SBNO2: variants seen among roughly 807,000 people sequenced by gnomAD.
SBNO2 encodes the protein strawberry notch homolog 2.
A neutral mutation model predicts 146.3 loss-of-function variants in SBNO2; 89 were observed. The observed-to-expected ratio is 0.61, with a 90% CI of 0.51 to 0.73. The LOEUF is 0.73. Ranked by LOEUF, SBNO2 falls within the 30% of genes least tolerant of loss-of-function variation. The probability of loss-of-function intolerance (pLI) is 0.00; values close to 1 mark genes in which losing one functional copy is unlikely to be tolerated. For missense variants in SBNO2, 2,092 were observed against 2,003.7 expected (o/e 1.04, Z -0.84); for synonymous variants, 1,147 against 892.6 (o/e 1.29, Z -5.08).
chr19:1,149,511 C>T (rs1568619514), intron 2 of SBNO2, 69 bp from the exon 3 acceptor site: 12 of 1,437,872 alleles, frequency 8.3e-6, no homozygotes, highest in African/African-American at 5.6e-5. Context: ...CTAAGCCCTC[C>T]GGGCAGGGTG....
intron 1 of SBNO2, among the ~76,000 whole-genome samples, chr19:1,163,823 C>T (rs529279635): frequency 3.9e-5 from 6 of 152,286 alleles, no homozygotes; most frequent in African/African-American, 9.6e-5. Context: ...GGGCAGGAGC[C>T]GGGGTCCAGG....
chr19:1,121,900 A>C (rs969964265), intron 11 of SBNO2, among the ~76,000 whole-genome samples: 2 of 152,154 alleles, frequency 1.3e-5, no homozygotes, highest in Non-Finnish European at 2.9e-5. Flanking sequence ...CAGGACCAGA[A>C]AAGTCTTCTA....
chr19:1,171,498 GATTAC>G (rs2080477190), intron 1 of SBNO2, among the ~76,000 whole-genome samples: 1 of 152,164 alleles, frequency 6.6e-6, no homozygotes, highest in African/African-American at 2.4e-5. Flanking sequence ...TACAGCTGTG[GATTAC>G]ATGATACCGC....
chr19:1,111,446 G>A lies in SBNO2; in HGVS notation c.2809+60C>T, dbSNP rs541122496. On this transcript the variant is annotated intron_variant, in intron 24 of 31. Coordinates refer to ENST00000361757, the MANE Select transcript of SBNO2 (RefSeq NM_014963.3). ...CAAAGCCTGCTGCCCCAGCTGCTCT[G>A]GAGCCCAGTGCTCTGCAACCCCTGC... 4 of 1,187,202 alleles carry A rather than the reference G, an allele frequency of 3.4e-6. 1 individual carries two copies. The South Asian group carries it at 3.9e-5, about 12-fold the overall frequency. 73.5% of individuals were successfully genotyped at this position (1,187,202 alleles called of 1,614,324 possible). A position where few individuals can be genotyped will look rare whatever the true frequency, so the allele number is the denominator to read the frequency against.
rs1407503450 is a variant in SBNO2 at position 1,109,488 on chromosome 19, A to C, written c.3216+18T>G. On this transcript the variant is annotated intron_variant, in intron 28 of 31. Coordinates refer to ENST00000361757, the MANE Select transcript of SBNO2 (RefSeq NM_014963.3). The surrounding 1 kb of genome is among the most constrained non-coding windows in gnomAD (Gnocchi z 4.2). Reference sequence around the variant, plus strand: ...CCCGCGGGCCCTCCTCTGGGGGGGTAACCCCGCCCGACCCCACCTTGTAGG... The same window carrying C: ...CCCGCGGGCCCTCCTCTGGGGGGGTCACCCCGCCCGACCCCACCTTGTAGG... The C allele has an allele frequency of 6.3e-7, 1 of 1,582,766 alleles. No individual in the cohort carries two copies. The highest frequency in any genetic ancestry group is 8.6e-7 in the Non-Finnish European group (1 of 1,166,116).
At chr19:1,133,072 A>G (rs2080049277) in intron 4 of SBNO2, among the ~76,000 whole-genome samples, 1 of 151,644 alleles carries the variant, frequency 6.6e-6, no homozygotes, top group Admixed American at 6.6e-5. Flanking sequence ...GGGACCTCAC[A>G]TTGGGCCACA....
At position 1,112,467 on chromosome 19, in the gene SBNO2, T is replaced by C; in HGVS notation, c.2450A>G (p.Gln817Arg). The change falls in exon 21 of 32, where the codon CAG becomes CGG. Residue 817 changes from glutamine (Q) to arginine (R), a missense_variant. Coordinates refer to ENST00000361757, the MANE Select transcript of SBNO2 (RefSeq NM_014963.3). The surrounding 1 kb of genome is among the most constrained non-coding windows in gnomAD (Gnocchi z 5.9). ...SLQADRRVQN[Q>R]RRRVHMTLEL... Reference sequence around the variant, plus strand: ...CAAGGTCATGTGCACGCGGCGCCGCTGGTTCTGGACACGGCGGTCGGCTTG... The same window carrying C: ...CAAGGTCATGTGCACGCGGCGCCGCCGGTTCTGGACACGGCGGTCGGCTTG... 2 of 1,607,832 alleles carry C rather than the reference T, an allele frequency of 1.2e-6. No individual in the cohort carries two copies. The highest frequency in any genetic ancestry group is 1.7e-6 in the Non-Finnish European group (2 of 1,178,688).
At chr19:1,124,851 G>C (rs1041730887) in intron 5 of SBNO2, among the ~76,000 whole-genome samples, 27 of 152,260 alleles carry the variant, frequency 1.8e-4, no homozygotes, top group Middle Eastern at 3.4e-3. Context: ...TCTCCGAACT[G>C]ACTGGGCGTG....
chr19:1,125,876 C>T (rs563693978), intron 5 of SBNO2, among the ~76,000 whole-genome samples: 1 of 151,454 alleles, frequency 6.6e-6, no homozygotes, highest in East Asian at 2.0e-4. Context: ...TGTCTATGGA[C>T]CCAGCTACTC....
Position 1,140,127 on chromosome 19 carries a change from G to C in SBNO2, c.279+7182C>G, listed in dbSNP as rs569638909. On this transcript the variant is annotated intron_variant, in intron 4 of 31. Transcript: ENST00000361757. The surrounding 1 kb of genome is among the most constrained non-coding windows in gnomAD (Gnocchi z 4.4). ...AGCCTGGCTAACACGGTGAAACCCC[G>C]TGTCCACTAAAAAACACAAAAAATT... 6.6e-6 allele frequency among the ~76,000 whole-genome samples: 1 copy of C among 151,712 alleles called. No individual in the cohort carries two copies. The highest frequency in any genetic ancestry group is 1.5e-5 in the Non-Finnish European group (1 of 67,918).
rs1275848957 is a variant in SBNO2 at position 1,147,426 on chromosome 19, G to A, written c.168-6C>T. 4.5e-6 allele frequency: 6 copies of A among 1,325,406 alleles called. No individual in the cohort carries two copies. Among genetic ancestry groups the A allele is most frequent in the South Asian group, 1.5e-5 (1 of 66,464 alleles). 82.1% of individuals were successfully genotyped at this position (1,325,406 alleles called of 1,614,324 possible). ...AGGCGGAGCTCATGAACGGGCTGGA[G>A]GGAGATGGGGGGGGGGGAGGTGAGA... On this transcript the variant is annotated splice_region_variant and splice_polypyrimidine_tract_variant and intron_variant, in intron 3 of 31. Transcript: ENST00000361757.
chr19:1,122,114 C>G (rs1179917897), intron 11 of SBNO2, 25 bp downstream of exon 11: 1 of 1,394,804 alleles, frequency 7.2e-7, no homozygotes. Context: ...CAGCCCTCCC[C>G]TCCCGATTGC....
intron 1 of SBNO2, among the ~76,000 whole-genome samples, chr19:1,163,572 G>A (rs1452840074): frequency 6.6e-6 from 1 of 152,200 alleles, no homozygotes; most frequent in Non-Finnish European, 1.5e-5. Flanking sequence ...GAGGCGGCAC[G>A]AGGCTGTCTG....
At chr19:1,146,868 G>C (rs916742320) in intron 4 of SBNO2, among the ~76,000 whole-genome samples, 1 of 152,004 alleles carries the variant, frequency 6.6e-6, no homozygotes, top group South Asian at 2.1e-4. Flanking sequence ...CCGCGACCCT[G>C]GGGAGAAGGA....
In SBNO2 at chr19:1,108,243, G is replaced by A. The variant is rs1422207819; in HGVS notation, c.4078C>T (p.Pro1360Ser). Residue 1360 changes from proline (P) to serine (S), a missense_variant, in exon 32 of 32, where the codon CCC (proline) becomes TCC (serine). Pro to Ser is a moderately conservative substitution (Grantham distance 74, BLOSUM62 -1). Coordinates refer to ENST00000361757, the MANE Select transcript of SBNO2 (RefSeq NM_014963.3). ...TGTCAGAGAGGAGCCTGGGCGCCGGGGAAGGGTGGGCTGAACTGGATCACG... is the reference window on the plus strand; with the variant it reads ...TGTCAGAGAGGAGCCTGGGCGCCGGAGAAGGGTGGGCTGAACTGGATCACG... ...QSVIQFSPPF[P>S]GAQAPL 7.2e-6 allele frequency: 11 copies of A among 1,527,160 alleles called. No individual in the cohort carries two copies. The highest frequency in any genetic ancestry group is 9.7e-6 in the Non-Finnish European group (11 of 1,135,358). 94.6% of individuals were successfully genotyped at this position (1,527,160 alleles called of 1,614,324 possible).
intron 4 of SBNO2, among the ~76,000 whole-genome samples, chr19:1,146,440 G>A (rs915242751): frequency 1.3e-5 from 2 of 152,120 alleles, no homozygotes; most frequent in East Asian, 1.9e-4. Flanking sequence ...GGATCTGGCC[G>A]GCTTGCGCCC....
rs769696386 is a variant in SBNO2, at chr19:1,123,647, C to T, written c.523-8G>A. Reference sequence around the variant, plus strand: ...GCTCTGCACACTCTGCTCCTGCGTGCGTGGCGGGAGCTCAGCGGAGACTGC... The same window carrying T: ...GCTCTGCACACTCTGCTCCTGCGTGTGTGGCGGGAGCTCAGCGGAGACTGC... On this transcript the variant is annotated splice_polypyrimidine_tract_variant and splice_region_variant and intron_variant, in intron 6 of 31. Coordinates refer to ENST00000361757, the MANE Select transcript of SBNO2 (RefSeq NM_014963.3). 2.6e-5 allele frequency: 42 copies of T among 1,607,030 alleles called. No individual in the cohort carries two copies. The highest frequency in any genetic ancestry group is 1.0e-4 in the Admixed American group (6 of 59,448).
At chr19:1,115,897 C>T (rs979233125) in intron 17 of SBNO2, 124 bp downstream of exon 17, 6 of 796,038 alleles carry the variant, frequency 7.5e-6, no homozygotes, top group African/African-American at 5.2e-5. Flanking sequence ...CTGCCTGGCA[C>T]GGACAGGACC....
intron 1 of SBNO2, among the ~76,000 whole-genome samples, chr19:1,171,372 G>C (rs1478855919): frequency 1.3e-5 from 2 of 152,214 alleles, no homozygotes; most frequent in South Asian, 2.1e-4. Context: ...ACACACATGT[G>C]CATGCACATG....
Sources: gnomAD v4.1 joint callset for allele counts (sites outside exome capture counted in the v4.1 genomes callset) on GRCh38, gnomAD v4.1.1 for gene constraint, Gnocchi (gnomAD v3.1) non-coding constraint, MANE v1.5 for transcripts, NCBI Gene and HGNC (gene_info 2026-07-23, HGNC 2026-07-21) for gene names.